TSHZ2: variants seen among roughly 807,000 people sequenced by gnomAD.
TSHZ2 encodes the protein teashirt homolog 2.
In TSHZ2, 21 loss-of-function variants were observed where a neutral mutation model predicts 74.4. The observed-to-expected ratio is 0.28, with a 90% CI of 0.20 to 0.41. The LOEUF (loss-of-function observed/expected upper bound fraction) is 0.41, where lower values mean the gene tolerates loss of function less well. Among genes scored for constraint, TSHZ2 ranks in the 10% least tolerant of loss-of-function variants. The pLI is 1.00. For missense variants in TSHZ2, 1,244 were observed against 1,293.5 expected (o/e 0.96, Z 0.59); for synonymous variants, 540 against 515.3 (o/e 1.05, Z -0.65).
chr20:53,239,897 G>A (rs987739745), intron 1 of TSHZ2, among the ~76,000 whole-genome samples: 5 of 151,960 alleles, frequency 3.3e-5, no homozygotes, highest in East Asian at 1.9e-4. Context: ...GTAAAGTAAC[G>A]GCTATACAAA....
chr20:53,056,644 A>G (rs1007446407), intron 1 of TSHZ2, among the ~76,000 whole-genome samples: 3 of 152,098 alleles, frequency 2.0e-5, no homozygotes, highest in Non-Finnish European at 4.4e-5. Flanking sequence ...CATACCAACT[A>G]CACAAACCCC....
At chr20:53,018,040 G>GA (rs1983105889) in intron 1 of TSHZ2, among the ~76,000 whole-genome samples, 1 of 152,116 alleles carries the variant, frequency 6.6e-6, no homozygotes, top group African/African-American at 2.4e-5. Flanking sequence ...AAGTAACAAG[G>GA]AAAACATCAC....
At chr20:53,044,317 T>C (rs1411905567) in intron 1 of TSHZ2, among the ~76,000 whole-genome samples, 1 of 152,264 alleles carries the variant, frequency 6.6e-6, no homozygotes, top group East Asian at 1.9e-4. Context: ...GACACATATC[T>C]TCTGTCATAT....
intron 2 of TSHZ2, among the ~76,000 whole-genome samples, chr20:53,308,492 G>C (rs1223084287): frequency 6.6e-6 from 1 of 152,096 alleles, no homozygotes; most frequent in African/African-American, 2.4e-5. Context: ...AAGGACTCAG[G>C]AAATGGATGT....
At chr20:53,358,356 T>TTC (rs1980927473) in intron 2 of TSHZ2, among the ~76,000 whole-genome samples, 1 of 82,212 alleles carries the variant, frequency 1.2e-5, no homozygotes, top group Non-Finnish European at 2.5e-5. Flanking sequence ...TTTTTTTTTT[T>TTC]CCCAAACAGA....
chr20:53,274,945 A>G (rs1278559983), intron 2 of TSHZ2, among the ~76,000 whole-genome samples: 4 of 152,094 alleles, frequency 2.6e-5, no homozygotes, highest in Admixed American at 6.5e-5. Flanking sequence ...AAGAATTCCC[A>G]TAAGCTCTTT....
chr20:53,008,236 T>C (rs1258078602), intron 1 of TSHZ2, among the ~76,000 whole-genome samples: 1 of 152,122 alleles, frequency 6.6e-6, no homozygotes, highest in Non-Finnish European at 1.5e-5. Context: ...AGGAGAGAAG[T>C]AGGTAAAGGC....
chr20:53,020,615 T>C (rs1983208887), intron 1 of TSHZ2, among the ~76,000 whole-genome samples: 1 of 152,190 alleles, frequency 6.6e-6, no homozygotes, highest in Non-Finnish European at 1.5e-5. Context: ...TTTGCCTTCC[T>C]GGGCCAGGGG....
chr20:53,348,472 T>C (rs889141508), intron 2 of TSHZ2, among the ~76,000 whole-genome samples: 5 of 151,938 alleles, frequency 3.3e-5, no homozygotes, highest in Non-Finnish European at 7.4e-5. Context: ...TCAAGAACCA[T>C]GGATAACTAG....
intron 1 of TSHZ2, among the ~76,000 whole-genome samples, chr20:53,088,406 A>G (rs1985764284): frequency 1.3e-5 from 2 of 152,118 alleles, no homozygotes; most frequent in Non-Finnish European, 2.9e-5. Context: ...AAATCCTTTA[A>G]GGGCCCTGTT....
chr20:53,132,886 G>A (rs953892611), intron 1 of TSHZ2, among the ~76,000 whole-genome samples: 8 of 152,026 alleles, frequency 5.3e-5, no homozygotes, highest in African/African-American at 1.7e-4. Flanking sequence ...TTAAGTTAAT[G>A]TTTTGTCTTC....
At chr20:52,996,274 G>A (rs1982183398) in intron 1 of TSHZ2, among the ~76,000 whole-genome samples, 1 of 151,784 alleles carries the variant, frequency 6.6e-6, no homozygotes, top group Admixed American at 6.6e-5. Context: ...TTTTGCTTAA[G>A]GCCGAAAGTT....
At chr20:53,235,695 G>A (rs1466023449) in intron 1 of TSHZ2, among the ~76,000 whole-genome samples, 2 of 152,174 alleles carry the variant, frequency 1.3e-5, no homozygotes, top group Non-Finnish European at 2.9e-5. Context: ...GAGATTTTAT[G>A]AGATGCAAAT....
intron 1 of TSHZ2, among the ~76,000 whole-genome samples, chr20:53,240,106 T>A (rs1029429491): frequency 9.8e-5 from 15 of 152,308 alleles, no homozygotes; most frequent in Admixed American, 9.8e-4. Context: ...CAGCCACCAT[T>A]CCTCATACTA....
intron 1 of TSHZ2, among the ~76,000 whole-genome samples, chr20:53,142,964 T>C (rs1987443320): frequency 1.3e-5 from 2 of 152,288 alleles, no homozygotes; most frequent in African/African-American, 4.8e-5. Context: ...TTGAACTGTG[T>C]CAGATCGCAT....
At chr20:53,181,403 G>C (rs939168778) in intron 1 of TSHZ2, among the ~76,000 whole-genome samples, 3 of 152,190 alleles carry the variant, frequency 2.0e-5, no homozygotes, top group Non-Finnish European at 1.5e-5. Context: ...CTGGAAGACA[G>C]TCTAAATAGA....
At chr20:52,990,279 C>T (rs1981930846) in intron 1 of TSHZ2, among the ~76,000 whole-genome samples, 1 of 152,068 alleles carries the variant, frequency 6.6e-6, no homozygotes. Flanking sequence ...ATGTCTACCC[C>T]TCTAATGAAA....
intron 1 of TSHZ2, among the ~76,000 whole-genome samples, chr20:53,043,511 A>G (rs1287922877): frequency 1.3e-5 from 2 of 152,134 alleles, no homozygotes; most frequent in African/African-American, 2.4e-5. Flanking sequence ...TAAGTGTCTG[A>G]GTTTATTATA....
chr20:53,401,108 G>A (rs917578356), intron 2 of TSHZ2: 4 of 152,186 alleles, frequency 2.6e-5, no homozygotes, highest in Middle Eastern at 3.2e-3. Context: ...TTCCTGCATC[G>A]TTGGTGTGAT....
Sources: gnomAD v4.1 joint callset for allele counts (sites outside exome capture counted in the v4.1 genomes callset) on GRCh38, gnomAD v4.1.1 for gene constraint, MANE v1.5 for transcripts, NCBI Gene and HGNC (gene_info 2026-07-23, HGNC 2026-07-21) for gene names.